The following KLHDC10 variants were observed in gnomAD, a reference collection of about 807,000 sequenced individuals.
KLHDC10 encodes kelch domain-containing protein 10.
A neutral mutation model predicts 56.1 loss-of-function variants in KLHDC10; 24 were observed. The ratio of observed to expected loss-of-function variants is 0.43; its 90% CI spans 0.31 to 0.60. The LOEUF is 0.60. Among genes scored for constraint, KLHDC10 ranks in the 20% least tolerant of loss-of-function variants. The pLI, the probability that KLHDC10 is intolerant of heterozygous loss-of-function variation, is 0.11. For missense variants in KLHDC10, 349 were observed against 567.0 expected (o/e 0.62, Z 3.91); for synonymous variants, 188 against 207.1 (o/e 0.91, Z 0.79).
At position 130,120,146 on chromosome 7, in the gene KLHDC10, T is replaced by G. The variant is rs893670276; in HGVS notation, c.476-603T>G. ...TTTAGTCCCTTTATTCTGAGTCCCC[T>G]TGGGTCTTTGCTAACGCAAAGATGA... On this transcript the variant is annotated intron_variant, in intron 3 of 9. Transcript: ENST00000335420. This position sits in a 1 kb window ranked among gnomAD's most constrained non-coding sequence, Gnocchi z 5.1. Among the ~76,000 whole-genome samples the G allele has an allele frequency of 2.5e-4, 38 of 152,158 alleles. No homozygotes were observed. The highest frequency in any genetic ancestry group is 2.4e-3 in the Admixed American group (36 of 15,282).
At chr7:130,111,173 A>G (rs995284613) in intron 2 of KLHDC10, among the ~76,000 whole-genome samples, 7 of 152,196 alleles carry the variant, frequency 4.6e-5, no homozygotes, top group African/African-American at 1.7e-4. Flanking sequence ...GCCCTACCTT[A>G]TACAACACAC....
chr7:130,113,713 A>G (rs1219520826), intron 2 of KLHDC10, among the ~76,000 whole-genome samples: 2 of 152,202 alleles, frequency 1.3e-5, no homozygotes, highest in Non-Finnish European at 2.9e-5. Flanking sequence ...AATCCATGTG[A>G]ATTGTATTTG....
Position 130,130,940 on chromosome 7 carries a change from T to A in KLHDC10, c.*194T>A. 1 of 569,210 alleles carries A rather than the reference T, an allele frequency of 1.8e-6. No individual in the cohort carries two copies. Among genetic ancestry groups the A allele is most frequent in the Admixed American group, 3.0e-5 (1 of 33,178 alleles). 35.3% of individuals were successfully genotyped at this position (569,210 alleles called of 1,614,324 possible). A position where few individuals can be genotyped will look rare whatever the true frequency, so the allele number is the denominator to read the frequency against. On this transcript the variant is annotated 3_prime_UTR_variant, in exon 10 of 10. Coordinates refer to ENST00000335420, the MANE Select transcript of KLHDC10 (RefSeq NM_014997.4). The surrounding 1 kb of genome is among the most constrained non-coding windows in gnomAD (Gnocchi z 4.2). ...CTCACTTTCCCACGTGCTTCCTTCT[T>A]TGCTTCTGTTCCTCCTGACCCATTA... is the stretch of plus-strand genomic sequence containing the variant.
Position 130,116,416 on chromosome 7 carries a change from C to CT in KLHDC10, c.254-28dup. The CT allele has an allele frequency of 3.2e-6, 5 of 1,566,772 alleles. No individual in the cohort carries two copies. Among genetic ancestry groups the CT allele is most frequent in the Non-Finnish European group, 4.4e-6 (5 of 1,142,864 alleles). On this transcript the variant is annotated intron_variant, in intron 2 of 9. Transcript: ENST00000335420. This position sits in a 1 kb window ranked among gnomAD's most constrained non-coding sequence, Gnocchi z 4.8. ...TTGTGCTTTTAAACTGGTAGGACAC[C>CT]TGTGGAAAACTGTCCTCTTCTCTCC...
intron 2 of KLHDC10, among the ~76,000 whole-genome samples, chr7:130,102,627 G>T (rs1795947966): frequency 1.3e-5 from 2 of 152,102 alleles, no homozygotes; most frequent in African/African-American, 4.8e-5. Flanking sequence ...TTCAAGACCA[G>T]CCTGGCCAAA....
intron 1 of KLHDC10, among the ~76,000 whole-genome samples, chr7:130,079,715 C>T (rs901246992): frequency 2.2e-5 from 2 of 88,962 alleles, no homozygotes; most frequent in Non-Finnish European, 5.4e-5. Flanking sequence ...GCCTGCCTGC[C>T]TGCCTTCCTG....
At chr7:130,128,414 T>TTA (rs1205884528) in intron 8 of KLHDC10, among the ~76,000 whole-genome samples, 5 of 152,248 alleles carry the variant, frequency 3.3e-5, no homozygotes, top group African/African-American at 1.2e-4. Context: ...CACATAGCCT[T>TTA]TGTTACAAGT....
intron 5 of KLHDC10, among the ~76,000 whole-genome samples, chr7:130,122,584 C>G (rs1796262538): frequency 1.3e-5 from 2 of 152,178 alleles, no homozygotes; most frequent in African/African-American, 4.8e-5. Flanking sequence ...GGGTCTCACT[C>G]TGTCACCTAG....
intron 1 of KLHDC10, among the ~76,000 whole-genome samples, chr7:130,086,478 C>CTT (rs1381454543): frequency 6.6e-6 from 1 of 152,208 alleles, no homozygotes; most frequent in Non-Finnish European, 1.5e-5. Context: ...GTTTTGCAGT[C>CTT]TGTCTCCCTA....
chr7:130,073,699 A>G (rs1046196312), intron 1 of KLHDC10, among the ~76,000 whole-genome samples: 9 of 152,092 alleles, frequency 5.9e-5, no homozygotes, highest in Admixed American at 2.6e-4. Context: ...CCAGCCCCCA[A>G]TGAAACCAAA....
rs1400035509 is a variant in KLHDC10 at position 130,122,142 on chromosome 7, A to G, written c.719A>G (p.Asn240Ser). The change falls in exon 5 of 10, where the codon AAT becomes AGT. Residue 240 changes from asparagine to serine, a missense_variant. Asn to Ser is a conservative substitution (Grantham distance 46). Coordinates refer to ENST00000335420, the MANE Select transcript of KLHDC10 (RefSeq NM_014997.4). ...ACAGACCTGCACAAGTTAGATCTCA[A>G]TACCAGAGAGTGGACACAACTGAAA... ...YSTDLHKLDL[N>S]TREWTQLKPN... The G allele has an allele frequency of 1.2e-6, 2 of 1,614,084 alleles. No individual in the cohort carries two copies. Among genetic ancestry groups the G allele is most frequent in the Non-Finnish European group, 1.7e-6 (2 of 1,179,950 alleles).
Position 130,125,486 on chromosome 7 carries a change from T to A in KLHDC10, c.865-379T>A, listed in dbSNP as rs112965145. 7.4e-3 allele frequency among the ~76,000 whole-genome samples: 1,131 copies of A among 152,188 alleles called. 13 individuals carry two copies. The highest frequency in any genetic ancestry group is 0.025 in the African/African-American group (1,053 of 41,510). On this transcript the variant is annotated intron_variant, in intron 6 of 9. Coordinates refer to ENST00000335420, the MANE Select transcript of KLHDC10 (RefSeq NM_014997.4). Reference sequence around the variant, plus strand: ...TGAACCTGGGAGGTAGAGGCTGCAGTGAGCCAAGATCGCGTCACTACACTC... The same window carrying A: ...TGAACCTGGGAGGTAGAGGCTGCAGAGAGCCAAGATCGCGTCACTACACTC...
rs1282160672 is a variant in KLHDC10 at position 130,134,905 on chromosome 7, C to CAT, written c.*4161_*4162dup. On this transcript the variant is annotated 3_prime_UTR_variant, in exon 10 of 10. Transcript: ENST00000335420. ...CACCCGCAGGGCCTGAGGTAGGCTT[C>CAT]ATAGAGTTCTAGGACTTCCGTGTGC... The CAT allele has an allele frequency of 6.6e-6, 1 of 152,094 alleles. No individual in the cohort carries two copies. The highest frequency in any genetic ancestry group is 1.5e-5 in the Non-Finnish European group (1 of 68,024). The allele number at this position is 152,094 out of a possible 1,614,324, so 9.4% of individuals were successfully genotyped here. A position where few individuals can be genotyped will look rare whatever the true frequency, so the allele number is the denominator to read the frequency against.
rs1795391477 is a variant in KLHDC10 at position 130,070,619 on chromosome 7, G to A, written c.-25G>A. On this transcript the variant is annotated 5_prime_UTR_variant, in exon 1 of 10. Coordinates refer to ENST00000335420, the MANE Select transcript of KLHDC10 (RefSeq NM_014997.4). ...CGCTGGGTCAGGCGCTGACGGGACCGGGCTGCGGCAATCGTTAGCGGGTCA... is the reference window on the plus strand; with the variant it reads ...CGCTGGGTCAGGCGCTGACGGGACCAGGCTGCGGCAATCGTTAGCGGGTCA... 2 of 1,313,902 alleles carry A rather than the reference G, an allele frequency of 1.5e-6. No individual in the cohort carries two copies. The allele number at this position is 1,313,902 out of a possible 1,614,324, so 81.4% of individuals were successfully genotyped here.
rs1017592450 is a variant in KLHDC10, at chr7:130,080,379, T to A, written c.166+9570T>A. Among the ~76,000 whole-genome samples the A allele has an allele frequency of 5.3e-5, 8 of 152,208 alleles. No individual in the cohort carries two copies. The East Asian group carries it at 1.6e-3, about 29-fold the overall frequency. ...AGAAGAAGCTCTTAGACAATTATATTGTCCAATTATATCATACTTCTTAGT... is the reference window on the plus strand; with the variant it reads ...AGAAGAAGCTCTTAGACAATTATATAGTCCAATTATATCATACTTCTTAGT... On this transcript the variant is annotated intron_variant, in intron 1 of 9. Transcript: ENST00000335420.
chr7:130,127,484 T>G (rs777849894), intron 8 of KLHDC10, 33 bp downstream of exon 8: 1 of 1,447,668 alleles, frequency 6.9e-7, no homozygotes, highest in South Asian at 1.1e-5. Flanking sequence ...TGCTTCCATT[T>G]CTGTAATTGT....
In KLHDC10 at chr7:130,109,680, C is replaced by G. The variant is rs901841179; in HGVS notation, c.254-6765C>G. ...TTGAGACGGAGTCTCACTCTGTTGC[C>G]CAGGCTGGAGTGCAGTGGTGCAATC... On this transcript the variant is annotated intron_variant, in intron 2 of 9. Transcript: ENST00000335420. Among the ~76,000 whole-genome samples, 3 of 152,242 alleles carry G rather than the reference C, an allele frequency of 2.0e-5. No individual in the cohort carries two copies. The South Asian group carries it at 6.2e-4, about 32-fold the overall frequency.
intron 1 of KLHDC10, among the ~76,000 whole-genome samples, chr7:130,082,864 T>G (rs554369488): frequency 2.6e-5 from 4 of 152,200 alleles, no homozygotes; most frequent in Non-Finnish European, 5.9e-5. Flanking sequence ...TGCTAGACCC[T>G]AGAAATACAT....
rs761080818 is a variant in KLHDC10, at chr7:130,097,039, C to T, written c.253+32C>T. The T allele has an allele frequency of 1.3e-5, 19 of 1,484,800 alleles. No individual in the cohort carries two copies. The South Asian group carries it at 1.5e-4, about 12-fold the overall frequency. The allele number at this position is 1,484,800 out of a possible 1,614,324, so 92.0% of individuals were successfully genotyped here. ...GATAATTAGCAAGAGATCTGTGCTT[C>T]GTATGGGTTAAAGGGAACTTTGAAT... On this transcript the variant is annotated intron_variant, in intron 2 of 9. Coordinates refer to ENST00000335420, the MANE Select transcript of KLHDC10 (RefSeq NM_014997.4).
Sources: allele counts gnomAD v4.1 joint callset (sites outside exome capture counted in the v4.1 genomes callset), GRCh38; gene constraint gnomAD v4.1.1; non-coding constraint Gnocchi (gnomAD v3.1); transcripts MANE v1.5; gene names NCBI Gene and HGNC (gene_info 2026-07-23, HGNC 2026-07-21).